Variants in CCSER1 observed in about 807,000 individuals in gnomAD.
CCSER1 encodes coiled-coil serine rich protein 1.
A neutral mutation model predicts 82.0 loss-of-function variants in CCSER1; 41 were observed. The observed-to-expected ratio is 0.50, with a 90% CI of 0.39 to 0.65. The LOEUF is 0.65. Ranked by LOEUF, CCSER1 falls within the 30% of genes least tolerant of loss-of-function variation. The pLI is 0.00. For synonymous variants in CCSER1, 414 were observed against 383.9 expected (o/e 1.08, Z -0.92); for missense variants, 1,119 against 1,064.2 (o/e 1.05, Z -0.72).
At chr4:90,921,260 T>C (rs746899386) in intron 8 of CCSER1, among the ~76,000 whole-genome samples, 1 of 151,716 alleles carries the variant, frequency 6.6e-6, no homozygotes, top group African/African-American at 2.4e-5. Flanking sequence ...TGTCATAAAC[T>C]TTCATATGTT....
chr4:90,231,635 G>A (rs1744574226), intron 1 of CCSER1, among the ~76,000 whole-genome samples: 1 of 149,676 alleles, frequency 6.7e-6, no homozygotes, highest in African/African-American at 2.5e-5. Context: ...AATCAGGCAG[G>A]AGAAGGAAAT....
intron 9 of CCSER1, among the ~76,000 whole-genome samples, chr4:91,007,910 T>C (rs1581321757): frequency 6.6e-6 from 1 of 152,138 alleles, no homozygotes; most frequent in African/African-American, 2.4e-5. Context: ...CTGCTTTTGC[T>C]GTATCCCATA....
intron 5 of CCSER1, among the ~76,000 whole-genome samples, chr4:90,546,444 A>G (rs936725497): frequency 6.6e-6 from 1 of 152,166 alleles, no homozygotes; most frequent in Non-Finnish European, 1.5e-5. Context: ...TGCATATCCC[A>G]GGGATCAGAG....
At chr4:90,714,685 ACTC>A (rs1252577490) in intron 6 of CCSER1, among the ~76,000 whole-genome samples, 1 of 151,916 alleles carries the variant, frequency 6.6e-6, no homozygotes, top group Non-Finnish European at 1.5e-5. Context: ...AAATATATGA[ACTC>A]CTAGAATTTT....
chr4:90,343,489 G>A (rs745687637), intron 3 of CCSER1, among the ~76,000 whole-genome samples: 16 of 152,044 alleles, frequency 1.1e-4, no homozygotes, highest in Non-Finnish European at 1.5e-4. Flanking sequence ...GTAGTGGAGC[G>A]CGTTTGTAAT....
At chr4:91,238,164 A>G (rs1739163101) in intron 10 of CCSER1, among the ~76,000 whole-genome samples, 1 of 152,116 alleles carries the variant, frequency 6.6e-6, no homozygotes, top group African/African-American at 2.4e-5. Context: ...TGACGTTATC[A>G]AAAGAGACAT....
At chr4:90,128,516 T>TGTGC (rs994567297) in intron 1 of CCSER1, among the ~76,000 whole-genome samples, 29 of 128,588 alleles carry the variant, frequency 2.3e-4, no homozygotes, top group African/African-American at 7.0e-4. Flanking sequence ...TGTGTGTGTG[T>TGTGC]GCGCGCGCGC....
intron 5 of CCSER1, among the ~76,000 whole-genome samples, chr4:90,473,355 C>T (rs1382026561): frequency 6.6e-6 from 1 of 152,016 alleles, no homozygotes; most frequent in African/African-American, 2.4e-5. Context: ...CTTCTTTGTC[C>T]ATTTCCACAT....
chr4:91,572,730 G>T (rs763709194), intron 10 of CCSER1, among the ~76,000 whole-genome samples: 1 of 151,792 alleles, frequency 6.6e-6, no homozygotes, highest in African/African-American at 2.4e-5. Flanking sequence ...GGGAGGCCAA[G>T]GTGGGTGGAT....
intron 10 of CCSER1, among the ~76,000 whole-genome samples, chr4:91,405,551 A>G (rs777062719): frequency 1.1e-3 from 169 of 152,212 alleles, no homozygotes; most frequent in Non-Finnish European, 3.1e-4. Flanking sequence ...AATTTTTACA[A>G]TCTACCTACT....
chr4:90,724,085 G>A, intron 7 of CCSER1, 94 bp downstream of exon 7: 1 of 692,968 alleles, frequency 1.4e-6, no homozygotes, highest in South Asian at 2.4e-5. Flanking sequence ...GAAGTGAACT[G>A]CTTTAATCTT....
At chr4:91,193,409 G>A (rs1735162604) in intron 10 of CCSER1, among the ~76,000 whole-genome samples, 2 of 152,128 alleles carry the variant, frequency 1.3e-5, no homozygotes, top group Non-Finnish European at 2.9e-5. Context: ...AAGGCTGGAT[G>A]AAAAGGGAAA....
At chr4:90,443,449 C>T (rs1560525616) in intron 4 of CCSER1, among the ~76,000 whole-genome samples, 1 of 152,078 alleles carries the variant, frequency 6.6e-6, no homozygotes, top group Non-Finnish European at 1.5e-5. Flanking sequence ...AGGGAAGACT[C>T]ACATCCTGGG....
chr4:90,140,828 C>G (rs930210912), intron 1 of CCSER1, among the ~76,000 whole-genome samples: 1 of 151,708 alleles, frequency 6.6e-6, no homozygotes, highest in Admixed American at 6.6e-5. Flanking sequence ...CCAAGCCCGG[C>G]TAATTTTTTT....
intron 10 of CCSER1, among the ~76,000 whole-genome samples, chr4:91,102,568 G>A (rs546564603): frequency 9.2e-5 from 14 of 152,236 alleles, no homozygotes; most frequent in East Asian, 7.7e-4. Flanking sequence ...TTTAGATGTC[G>A]TTTTTATAAG....
At chr4:91,031,167 TA>T (rs1740949750) in intron 9 of CCSER1, among the ~76,000 whole-genome samples, 1 of 152,206 alleles carries the variant, frequency 6.6e-6, no homozygotes, top group Non-Finnish European at 1.5e-5. Flanking sequence ...TAAGTCGGAC[TA>T]TTACAGATGT....
intron 4 of CCSER1, among the ~76,000 whole-genome samples, chr4:90,411,284 A>T (rs1314539454): frequency 6.6e-6 from 1 of 152,214 alleles, no homozygotes; most frequent in East Asian, 1.9e-4. Flanking sequence ...TGAGGCCAGC[A>T]TCATCCTGAT....
chr4:90,933,778 A>G (rs184795948), intron 9 of CCSER1, among the ~76,000 whole-genome samples: 1 of 152,124 alleles, frequency 6.6e-6, no homozygotes, highest in Non-Finnish European at 1.5e-5. Context: ...GTACATATAC[A>G]TGTCTTCATA....
At chr4:90,280,595 A>G (rs1200630994) in intron 1 of CCSER1, among the ~76,000 whole-genome samples, 1 of 151,984 alleles carries the variant, frequency 6.6e-6, no homozygotes, top group Non-Finnish European at 1.5e-5. Flanking sequence ...TTGAACTCAG[A>G]AAAGATAACC....
Sources: gnomAD v4.1 joint callset for allele counts (sites outside exome capture counted in the v4.1 genomes callset) on GRCh38, gnomAD v4.1.1 for gene constraint, MANE v1.5 for transcripts, NCBI Gene and HGNC (gene_info 2026-07-23, HGNC 2026-07-21) for gene names.